Variants in ADCY10 observed in about 807,000 individuals in gnomAD.
ADCY10 encodes the protein adenylate cyclase type 10.
Under a neutral mutation model 183.3 loss-of-function variants are expected in ADCY10, and 156 were observed. That is an observed-to-expected ratio of 0.85 (90% CI 0.75 to 0.97). The LOEUF (loss-of-function observed/expected upper bound fraction) is 0.97, where lower values mean the gene tolerates loss of function less well. Ranked by LOEUF, ADCY10 falls within the 50% of genes least tolerant of loss-of-function variation. The pLI, the probability that ADCY10 is intolerant of heterozygous loss-of-function variation, is 0.00. For missense variants in ADCY10, 1,745 were observed against 1,934.3 expected (o/e 0.90, Z 1.84); for synonymous variants, 645 against 670.0 (o/e 0.96, Z 0.58).
intron 12 of ADCY10, among the ~76,000 whole-genome samples, chr1:167,876,037 A>T (rs920462510): frequency 2.0e-5 from 3 of 152,144 alleles, no homozygotes; most frequent in Admixed American, 1.3e-4. Flanking sequence ...CAGGTGGATC[A>T]TCTGAGGTCA....
At chr1:167,909,309 T>C (rs1009041507) in intron 1 of ADCY10, among the ~76,000 whole-genome samples, 18 of 152,322 alleles carry the variant, frequency 1.2e-4, no homozygotes, top group African/African-American at 4.3e-4. Context: ...GTTCCCACTT[T>C]TAGACCATTA....
At chr1:167,835,066 A>C (rs1340502291) in intron 23 of ADCY10, among the ~76,000 whole-genome samples, 7 of 152,104 alleles carry the variant, frequency 4.6e-5, no homozygotes, top group African/African-American at 1.7e-4. Flanking sequence ...CTAAGGTAGG[A>C]GGGTTGATTA....
intron 21 of ADCY10, among the ~76,000 whole-genome samples, chr1:167,843,761 T>A (rs1210633306): frequency 6.6e-6 from 1 of 152,146 alleles, no homozygotes; most frequent in African/African-American, 2.4e-5. Context: ...TCAGCCTTCT[T>A]AGGCATGAGG....
At chr1:167,898,804 C>T (rs573890029) in intron 6 of ADCY10, among the ~76,000 whole-genome samples, 1 of 152,164 alleles carries the variant, frequency 6.6e-6, no homozygotes, top group Admixed American at 6.5e-5. Context: ...TTCTTTCTGC[C>T]GCGTAGTCCC....
At chr1:167,859,741 C>T in intron 16 of ADCY10, 66 bp downstream of exon 16, 2 of 1,257,930 alleles carry the variant, frequency 1.6e-6, no homozygotes, top group Admixed American at 1.7e-5. Flanking sequence ...CTCCTCAAAC[C>T]ACCTGGCTTT....
At chr1:167,890,124 G>A (rs975777567) in intron 8 of ADCY10, among the ~76,000 whole-genome samples, 5 of 151,806 alleles carry the variant, frequency 3.3e-5, no homozygotes, top group Non-Finnish European at 7.4e-5. Context: ...GTGGAAGTTC[G>A]TCAGTGTCTG....
intron 1 of ADCY10, among the ~76,000 whole-genome samples, chr1:167,908,050 C>G (rs1254219085): frequency 6.6e-6 from 1 of 152,204 alleles, no homozygotes; most frequent in Non-Finnish European, 1.5e-5. Flanking sequence ...ATCTAACAAT[C>G]CCACATCTGG....
chr1:167,860,506 T>A (rs1421941020), intron 15 of ADCY10, among the ~76,000 whole-genome samples: 2 of 152,198 alleles, frequency 1.3e-5, no homozygotes. Flanking sequence ...CATGAACTAG[T>A]ACCAGGGGTT....
At chr1:167,899,683 C>A (rs1669257354) in intron 5 of ADCY10, 55 bp from the exon 6 acceptor site, 1 of 1,561,958 alleles carries the variant, frequency 6.4e-7, no homozygotes, top group Non-Finnish European at 8.8e-7. Context: ...TATTTCCCAG[C>A]AGCACAGGTT....
chr1:167,894,849 C>T (rs1557824044), intron 7 of ADCY10, among the ~76,000 whole-genome samples: 1 of 152,112 alleles, frequency 6.6e-6, no homozygotes. Context: ...GAGGATTCAA[C>T]CAATGAAATC....
chr1:167,817,009 AGC>A (rs1347747299), intron 31 of ADCY10, among the ~76,000 whole-genome samples: 1 of 152,196 alleles, frequency 6.6e-6, no homozygotes, highest in Non-Finnish European at 1.5e-5. Context: ...ACATCTCCTA[AGC>A]AGAGATCCCA....
rs1010612227 is a variant in ADCY10 at position 167,846,108 on chromosome 1, C to G, written c.2593G>C (p.Val865Leu). The change falls in exon 20 of 33, where the codon GTG (valine) becomes CTG (leucine). Residue 865 changes from valine (V) to leucine (L), a missense_variant. Physicochemically the swap from Val to Leu is conservative, Grantham distance 32. Coordinates refer to ENST00000367851, the MANE Select transcript of ADCY10 (RefSeq NM_018417.6). The stretch of plus-strand genomic sequence containing the variant: ...AAACAATAAAAAATGTTAGATTCCA[C>G]TAGGGTTGCCAGGGTCTTGATCATC... Reference protein sequence around the residue: ...KMMIKTLATLVESNIFYCFRN... With the variant: ...KMMIKTLATLLESNIFYCFRN... 6.2e-7 allele frequency: 1 copy of G among 1,614,184 alleles called. No homozygotes were observed. The highest frequency in any genetic ancestry group is 1.3e-5 in the African/African-American group (1 of 75,052).
At chr1:167,809,949 A>G (rs937315457) in intron 32 of ADCY10, 110 bp from the exon 33 acceptor site, 1 of 1,149,330 alleles carries the variant, frequency 8.7e-7, no homozygotes, top group Non-Finnish European at 1.3e-6. Context: ...AACCATGTGA[A>G]CCCATAGACA....
At chr1:167,888,385 A>T (rs1303981082) in intron 8 of ADCY10, among the ~76,000 whole-genome samples, 2 of 152,076 alleles carry the variant, frequency 1.3e-5, no homozygotes, top group East Asian at 1.9e-4. Context: ...ACATTCTTCC[A>T]ATCTATAAGC....
chr1:167,913,299 G>T (rs895078717), intron 1 of ADCY10, among the ~76,000 whole-genome samples: 1 of 152,160 alleles, frequency 6.6e-6, no homozygotes, highest in Admixed American at 6.6e-5. Context: ...AGAAATTAGG[G>T]TTCGATTATA....
At chr1:167,913,479 A>G (rs925118274) in intron 1 of ADCY10, among the ~76,000 whole-genome samples, 1 of 152,308 alleles carries the variant, frequency 6.6e-6, no homozygotes, top group Non-Finnish European at 1.5e-5. Flanking sequence ...TAGCCATGGT[A>G]ATTTTTCTTC....
At chr1:167,894,619 A>ATG (rs138742358) in intron 7 of ADCY10, among the ~76,000 whole-genome samples, 6,513 of 151,308 alleles carry the variant, frequency 0.043, 443 homozygotes, top group African/African-American at 0.15. Flanking sequence ...GTGAAAAAAA[A>ATG]TGTGTGTGTG....
chr1:167,899,323 C>G, intron 6 of ADCY10, 100 bp downstream of exon 6: 1 of 1,209,330 alleles, frequency 8.3e-7, no homozygotes, highest in Non-Finnish European at 1.2e-6. Flanking sequence ...AATCTCCAGC[C>G]CAGGAGCTTT....
At chr1:167,856,565 T>C in intron 16 of ADCY10, 126 bp from the exon 17 acceptor site, 6 of 899,100 alleles carry the variant, frequency 6.7e-6, no homozygotes, top group African/African-American at 3.3e-5. Context: ...AAGAACTAAG[T>C]TCAATCTTTT....
Sources: gnomAD v4.1 joint callset for allele counts (sites outside exome capture counted in the v4.1 genomes callset) on GRCh38, gnomAD v4.1.1 for gene constraint, MANE v1.5 for transcripts, NCBI Gene and HGNC (gene_info 2026-07-23, HGNC 2026-07-21) for gene names.